The following ADGRV1 variants were observed in gnomAD, a reference collection of about 807,000 sequenced individuals.
ADGRV1 encodes G-protein coupled receptor 98.
ADGRV1 carries 359 observed loss-of-function variants against 596.2 expected under a neutral mutation model. The observed-to-expected ratio is 0.60, with a 90% CI of 0.55 to 0.66. The LOEUF (loss-of-function observed/expected upper bound fraction) is 0.66, where lower values mean the gene tolerates loss of function less well. Ranked by LOEUF, ADGRV1 falls within the 30% of genes least tolerant of loss-of-function variation. The pLI is 0.00. For missense variants in ADGRV1, 7,274 were observed against 7,575.6 expected, an observed-to-expected ratio of 0.96 and a Z score of 1.48; for synonymous variants, 2,681 against 2,679.2, an observed-to-expected ratio of 1.00 and a Z score of -0.02.
intron 21 of ADGRV1, among the ~76,000 whole-genome samples, chr5:90,667,979 A>G (rs1771755681): frequency 6.6e-6 from 1 of 151,920 alleles, no homozygotes; most frequent in Admixed American, 6.6e-5. Flanking sequence ...TCAGATCTCC[A>G]GCTGCGTACT....
chr5:90,809,761 A>C (rs1581193266), intron 73 of ADGRV1, among the ~76,000 whole-genome samples: 1 of 152,222 alleles, frequency 6.6e-6, no homozygotes, highest in Non-Finnish European at 1.5e-5. Context: ...ATTCATACAT[A>C]AAGTTTTAGC....
chr5:90,840,692 G>A lies in ADGRV1; in HGVS notation c.16726G>A (p.Val5576Ile). The A allele has an allele frequency of 6.2e-7, 1 of 1,614,044 alleles. No individual in the cohort carries two copies. Among genetic ancestry groups the A allele is most frequent in the Non-Finnish European group, 8.5e-7 (1 of 1,179,888 alleles). ...CTTTGAACCTGGCCAGAGAAGCACT[G>A]TATTGGATGTCATCCTAACGCCAGA... Reference protein sequence around the residue: ...LVFEPGQRSTVLDVILTPETG... With the variant: ...LVFEPGQRSTILDVILTPETG... Residue 5576 changes from valine to isoleucine, a missense_variant, in exon 78 of 90, where the codon GTA (valine) becomes ATA (isoleucine). Val to Ile is a conservative substitution (Grantham distance 29). This residue lies in a region of ADGRV1 where 1,874 missense variants were observed against 1,970.2 expected (regional missense o/e 0.95). Transcript: ENST00000405460.
chr5:90,614,330 C>A, intron 1 of ADGRV1: 1 of 290,922 alleles, frequency 3.4e-6, no homozygotes, highest in Non-Finnish European at 6.8e-6. Context: ...AATTTCTTTG[C>A]AATAACTAAG....
At chr5:90,820,464 G>A (rs1337235490) in intron 75 of ADGRV1, among the ~76,000 whole-genome samples, 1 of 151,262 alleles carries the variant, frequency 6.6e-6, no homozygotes, top group Non-Finnish European at 1.5e-5. Context: ...TCATTATGAT[G>A]TTAGGGGTGA....
chr5:90,774,235 TGGA>T lies in ADGRV1; in HGVS notation c.12342_12344del (p.Glu4114del). The stretch of plus-strand genomic sequence containing the variant: ...TTGCACACACTTCAAGACACAGTGT[TGGA>T]GGAGGACAGGCGTTTCACCATTCAG... On this transcript the variant is annotated inframe_deletion, in exon 60 of 90. Transcript: ENST00000405460. The T allele has an allele frequency of 6.2e-7, 1 of 1,611,870 alleles. No homozygotes were observed. The highest frequency in any genetic ancestry group is 8.5e-7 in the Non-Finnish European group (1 of 1,178,178).
chr5:90,882,441 G>A (rs906103280), intron 83 of ADGRV1, among the ~76,000 whole-genome samples: 1 of 152,188 alleles, frequency 6.6e-6, no homozygotes, highest in Non-Finnish European at 1.5e-5. Context: ...TACTGATGGA[G>A]CTGTAAATCT....
chr5:90,972,246 A>C (rs1346895051), intron 84 of ADGRV1, among the ~76,000 whole-genome samples: 4 of 152,182 alleles, frequency 2.6e-5, no homozygotes, highest in Non-Finnish European at 4.4e-5. Context: ...GCCACACAAT[A>C]ATAATGGGAG....
chr5:91,118,485 G>A (rs1189060747), intron 87 of ADGRV1, among the ~76,000 whole-genome samples: 1 of 152,128 alleles, frequency 6.6e-6, no homozygotes, highest in Non-Finnish European at 1.5e-5. Flanking sequence ...ACAGCCACCA[G>A]GGAGTTTATT....
In ADGRV1 at chr5:90,725,580, A is replaced by T; in HGVS notation, c.10085A>T (p.Gln3362Leu). The T allele has an allele frequency of 6.3e-7, 1 of 1,579,758 alleles. No individual in the cohort carries two copies. Among genetic ancestry groups the T allele is most frequent in the Non-Finnish European group, 8.7e-7 (1 of 1,149,432 alleles). ...ACAATCATTATTCTGGAAAGTTCTCAAGTAAGATATTTTACTTCAGACAGC... is the reference window on the plus strand; with the variant it reads ...ACAATCATTATTCTGGAAAGTTCTCTAGTAAGATATTTTACTTCAGACAGC... ...VQTIIILESS[Q>L]VRYFTSDSQD... Residue 3362 changes from glutamine (Q) to leucine (L), a missense_variant, in exon 48 of 90, where the codon CAA (glutamine) becomes CTA (leucine). Physicochemically the swap from Gln to Leu is moderately radical, Grantham distance 113. Around this residue, in one of 5 missense-constraint regions of ADGRV1, gnomAD observed 3,643 missense variants for 3,809.2 expected, o/e 0.96. Coordinates refer to ENST00000405460, the MANE Select transcript of ADGRV1 (RefSeq NM_032119.4).
At chr5:90,705,358 C>T in intron 36 of ADGRV1, 42 bp from the exon 37 acceptor site, 1 of 1,560,964 alleles carries the variant, frequency 6.4e-7, no homozygotes, top group South Asian at 1.1e-5. Flanking sequence ...CGATTAAAAG[C>T]TAATGCCAAA....
intron 78 of ADGRV1, among the ~76,000 whole-genome samples, chr5:90,848,086 A>G (rs1296334731): frequency 2.6e-5 from 4 of 151,950 alleles, no homozygotes; most frequent in African/African-American, 9.7e-5. Flanking sequence ...CAAATAACCC[A>G]GTTTTTTTTT....
intron 83 of ADGRV1, among the ~76,000 whole-genome samples, chr5:90,955,741 A>C (rs1350568537): frequency 1.3e-5 from 2 of 152,160 alleles, no homozygotes; most frequent in Admixed American, 1.3e-4. Flanking sequence ...TGTCAACTTT[A>C]TGTTGGATAA....
intron 1 of ADGRV1, among the ~76,000 whole-genome samples, chr5:90,567,119 G>A (rs984132516): frequency 6.6e-6 from 1 of 151,914 alleles, no homozygotes; most frequent in Non-Finnish European, 1.5e-5. Context: ...GTTCTTGATG[G>A]TGAACCAATG....
chr5:91,052,052 A>C (rs1309664500), intron 85 of ADGRV1, among the ~76,000 whole-genome samples: 3 of 152,222 alleles, frequency 2.0e-5, no homozygotes, highest in Non-Finnish European at 2.9e-5. Context: ...TATTACAGCC[A>C]AAACTAGAGA....
At chr5:90,768,708 G>A (rs1328151782) in intron 59 of ADGRV1, among the ~76,000 whole-genome samples, 1 of 152,140 alleles carries the variant, frequency 6.6e-6, no homozygotes, top group South Asian at 2.1e-4. Flanking sequence ...GGACAACTAA[G>A]CTCCATACTT....
At chr5:91,128,326 G>A (rs777471384) in intron 87 of ADGRV1, among the ~76,000 whole-genome samples, 8 of 151,940 alleles carry the variant, frequency 5.3e-5, no homozygotes, top group Non-Finnish European at 8.8e-5. Flanking sequence ...AGTAGCAAAT[G>A]CATTTGGATT....
chr5:90,802,734 T>G lies in ADGRV1; in HGVS notation c.14518-5T>G, dbSNP rs745369121. On this transcript the variant is annotated splice_polypyrimidine_tract_variant and splice_region_variant and intron_variant, in intron 70 of 89. Transcript: ENST00000405460. ...TTCTAAATCACTGACACTGTTTGTT[T>G]ATAGGTCTTCCTATCACTGGGCTCT... 1.1e-5 allele frequency: 17 copies of G among 1,609,480 alleles called. No individual in the cohort carries two copies. Among genetic ancestry groups the G allele is most frequent in the Non-Finnish European group, 1.4e-5 (16 of 1,177,372 alleles).
chr5:91,039,069 T>C (rs1328724142), intron 85 of ADGRV1, among the ~76,000 whole-genome samples: 1 of 152,200 alleles, frequency 6.6e-6, no homozygotes, highest in Non-Finnish European at 1.5e-5. Context: ...CCATATCAAA[T>C]ATTGAACCTG....
At chr5:90,873,002 A>C (rs1157444292) in intron 83 of ADGRV1, among the ~76,000 whole-genome samples, 2 of 152,176 alleles carry the variant, frequency 1.3e-5, no homozygotes, top group Admixed American at 6.5e-5. Flanking sequence ...TTAGATTTAC[A>C]TTGACCTAAA....
Sources: allele counts gnomAD v4.1 joint callset (sites outside exome capture counted in the v4.1 genomes callset), GRCh38; gene constraint gnomAD v4.1.1; regional missense constraint gnomAD v4.1.1; transcripts MANE v1.5; gene names NCBI Gene and HGNC (gene_info 2026-07-23, HGNC 2026-07-21).